The following GRID2 variants were observed in gnomAD, a reference collection of about 807,000 sequenced individuals.
The protein encoded by GRID2 is glutamate receptor ionotropic, delta-2.
In GRID2, 33 loss-of-function variants were observed where a neutral mutation model predicts 114.8. That is an observed-to-expected ratio of 0.29 (90% CI 0.22 to 0.38). The LOEUF is 0.38. Among genes scored for constraint, GRID2 ranks in the 10% least tolerant of loss-of-function variants. The pLI is 1.00. For missense variants in GRID2, 1,184 were observed against 1,257.7 expected, an observed-to-expected ratio of 0.94 and a Z score of 0.89; for synonymous variants, 505 against 449.9, an observed-to-expected ratio of 1.12 and a Z score of -1.55.
chr4:93,779,313 C>A (rs1047550279), downstream of GRID2, among the ~76,000 whole-genome samples: 1 of 151,662 alleles, frequency 6.6e-6, no homozygotes, highest in African/African-American at 2.4e-5. Context: ...AGTCCACCAA[C>A]AAATACTTTC....
chr4:92,929,196 T>C (rs1750046916), intron 2 of GRID2, among the ~76,000 whole-genome samples: 1 of 151,390 alleles, frequency 6.6e-6, no homozygotes, highest in African/African-American at 2.4e-5. Flanking sequence ...TTTTTTTTTA[T>C]TGTTAAATGA....
intron 8 of GRID2, among the ~76,000 whole-genome samples, chr4:93,254,164 A>T (rs899994147): frequency 1.3e-5 from 2 of 152,120 alleles, no homozygotes; most frequent in Non-Finnish European, 2.9e-5. Context: ...GGTGCAAAAA[A>T]TGGCTTTTAC....
intron 12 of GRID2, among the ~76,000 whole-genome samples, chr4:93,508,005 C>T (rs1006846434): frequency 5.3e-5 from 8 of 151,854 alleles, no homozygotes; most frequent in Non-Finnish European, 1.0e-4. Context: ...CCGGAGACTG[C>T]TGTGGGGTGG....
chr4:93,372,448 T>C (rs1451310939), intron 8 of GRID2, among the ~76,000 whole-genome samples: 3 of 152,196 alleles, frequency 2.0e-5, no homozygotes, highest in Admixed American at 1.3e-4. Flanking sequence ...TGTTGGTTTC[T>C]CCTTTCTTGT....
At chr4:92,501,345 T>G (rs1349963097) in intron 1 of GRID2, among the ~76,000 whole-genome samples, 1 of 152,104 alleles carries the variant, frequency 6.6e-6, no homozygotes, top group African/African-American at 2.4e-5. Context: ...CGTTGAACAC[T>G]TAAAGTATGT....
chr4:92,642,821 A>G (rs1731423607), intron 2 of GRID2, among the ~76,000 whole-genome samples: 1 of 151,716 alleles, frequency 6.6e-6, no homozygotes, highest in Non-Finnish European at 1.5e-5. Context: ...ATCTACATTG[A>G]GTTAATTTTT....
intron 8 of GRID2, among the ~76,000 whole-genome samples, chr4:93,373,956 G>A (rs890084557): frequency 1.3e-5 from 2 of 152,256 alleles, no homozygotes; most frequent in Non-Finnish European, 2.9e-5. Flanking sequence ...ACTACAGAAG[G>A]CTTATTAGGG....
intron 13 of GRID2, among the ~76,000 whole-genome samples, chr4:93,570,285 A>G (rs970563512): frequency 3.3e-5 from 5 of 151,944 alleles, no homozygotes; most frequent in African/African-American, 1.2e-4. Flanking sequence ...CTGCTCAAGA[A>G]CTCTGATCAA....
At chr4:93,555,427 G>C (rs1387131776) in intron 13 of GRID2, among the ~76,000 whole-genome samples, 1 of 152,134 alleles carries the variant, frequency 6.6e-6, no homozygotes, top group Non-Finnish European at 1.5e-5. Flanking sequence ...GTGCGGGGAA[G>C]GGAGTCTGCC....
chr4:93,360,594 G>A (rs954260285), intron 8 of GRID2, among the ~76,000 whole-genome samples: 1 of 151,624 alleles, frequency 6.6e-6, no homozygotes, highest in African/African-American at 2.4e-5. Context: ...ATTGCATTGT[G>A]GTCAGATAAT....
At chr4:93,052,787 G>C (rs1302139624) in intron 2 of GRID2, among the ~76,000 whole-genome samples, 2 of 151,946 alleles carry the variant, frequency 1.3e-5, no homozygotes, top group East Asian at 3.9e-4. Context: ...GCCCTCATCA[G>C]ATACTCCAGA....
chr4:93,594,331 C>T (rs1422070533), intron 13 of GRID2, among the ~76,000 whole-genome samples: 5 of 152,160 alleles, frequency 3.3e-5, no homozygotes, highest in Non-Finnish European at 7.3e-5. Flanking sequence ...TGTCAGTGTG[C>T]CCCTGCTGGA....
chr4:93,680,167 A>C (rs1725368498), intron 14 of GRID2, among the ~76,000 whole-genome samples: 1 of 152,100 alleles, frequency 6.6e-6, no homozygotes, highest in Admixed American at 6.5e-5. Flanking sequence ...CGAATAAACT[A>C]GAAAATCTAG....
chr4:92,970,922 C>CATAT (rs146234720), intron 2 of GRID2, among the ~76,000 whole-genome samples: 28 of 149,014 alleles, frequency 1.9e-4, no homozygotes, highest in Non-Finnish European at 8.9e-5. Flanking sequence ...ATTAGCATTG[C>CATAT]ATATATATAT....
chr4:93,729,928 C>G (rs1730329081), intron 14 of GRID2, among the ~76,000 whole-genome samples: 1 of 152,134 alleles, frequency 6.6e-6, no homozygotes. Flanking sequence ...ATTTCCAGGA[C>G]AGCAGAGAGA....
rs114336830 is a variant in GRID2 at position 93,806,067 on chromosome 4, C to T, written c.222-648C>T. Among the ~76,000 whole-genome samples the T allele has an allele frequency of 7.5e-3, 1,137 of 151,626 alleles. 20 individuals carry two copies. The highest frequency in any genetic ancestry group is 0.026 in the African/African-American group (1,080 of 41,330). On this transcript the variant is annotated intron_variant, in intron 1 of 1. Coordinates refer to the GRID2 transcript ENST00000637838. ...AGCTGAGATAACGCCACAGCACTCCCGCCTGGGCAAGAAAGCAAGACTCCA... is the reference window on the plus strand; with the variant it reads ...AGCTGAGATAACGCCACAGCACTCCTGCCTGGGCAAGAAAGCAAGACTCCA...
intron 1 of GRID2, among the ~76,000 whole-genome samples, chr4:92,396,121 T>C (rs933189014): frequency 3.3e-5 from 5 of 151,848 alleles, no homozygotes; most frequent in Admixed American, 2.6e-4. Context: ...TGACATATGG[T>C]CTGAAATGTT....
chr4:93,078,722 T>C lies in GRID2; in HGVS notation c.245-6273T>C, dbSNP rs535828158. ...ATATTTATATACTGTATATACTAAATATAATTATATTTATATACTGTATAT... is the reference window on the plus strand; with the variant it reads ...ATATTTATATACTGTATATACTAAACATAATTATATTTATATACTGTATAT... On this transcript the variant is annotated intron_variant, in intron 2 of 15. Coordinates refer to ENST00000282020, the MANE Select transcript of GRID2 (RefSeq NM_001510.4). Among the ~76,000 whole-genome samples, 24 of 146,426 alleles carry C rather than the reference T, an allele frequency of 1.6e-4. No individual in the cohort carries two copies. In the East Asian group the frequency reaches 4.7e-3, roughly 29 times the overall value.
chr4:92,692,959 G>A (rs1734246052), intron 2 of GRID2, among the ~76,000 whole-genome samples: 1 of 151,688 alleles, frequency 6.6e-6, no homozygotes, highest in Admixed American at 6.6e-5. Flanking sequence ...GGGGGCAGAG[G>A]TGGCAGTGAG....
Sources: gnomAD v4.1 joint callset for allele counts (sites outside exome capture counted in the v4.1 genomes callset) on GRCh38, gnomAD v4.1.1 for gene constraint, MANE v1.5 for transcripts, NCBI Gene and HGNC (gene_info 2026-07-23, HGNC 2026-07-21) for gene names.